Variants in ENO1 observed in about 807,000 individuals in gnomAD.
ENO1 encodes enolase 1.
In ENO1, 33 loss-of-function variants were observed where a neutral mutation model predicts 46.3. The ratio of observed to expected loss-of-function variants is 0.71; its 90% CI spans 0.54 to 0.95. The LOEUF (loss-of-function observed/expected upper bound fraction) is 0.95. Ranked by LOEUF, ENO1 falls within the 40% of genes least tolerant of loss-of-function variation. ENO1 has a pLI of 0.00. For synonymous variants in ENO1, 220 were observed against 216.0 expected (o/e 1.02, Z -0.16); for missense variants, 488 against 553.3 (o/e 0.88, Z 1.18).
At chr1:8,874,010 C>T (rs1043482913) in intron 2 of ENO1, 2 of 152,216 alleles carry the variant, frequency 1.3e-5, no homozygotes, top group Non-Finnish European at 2.9e-5. Context: ...ATGAGAGCCT[C>T]CAGACTATTC....
In ENO1 at chr1:8,866,532, C is replaced by G. The variant is rs780595871; in HGVS notation, c.445-31G>C. The G allele has an allele frequency of 3.1e-6, 5 of 1,612,458 alleles. No individual in the cohort carries two copies. The South Asian group carries it at 5.5e-5, about 18-fold the overall frequency. On this transcript the variant is annotated intron_variant, in intron 6 of 11. Coordinates refer to ENST00000234590, the MANE Select transcript of ENO1 (RefSeq NM_001428.5). The stretch of plus-strand genomic sequence containing the variant: ...GAGAGCAGAGCAGAGAAGCATGGCA[C>G]TGGGTCCAGAGAGCCCCACAGGGCA...
Position 8,863,296 on chromosome 1 carries a change from C to A in ENO1, c.1115G>T (p.Arg372Leu). ...GAAGGTATCTTCAGTCTCCCCCGAA[C>A]GATGAGACACCATGACGCCCCAACC... is the stretch of plus-strand genomic sequence containing the variant. ...ANGWGVMVSH[R>L]SGETEDTFIA... Residue 372 changes from arginine to leucine, a missense_variant, in exon 10 of 12, where the codon CGT becomes CTT. Arg to Leu is a moderately radical substitution (Grantham distance 102). Transcript: ENST00000234590. The A allele has an allele frequency of 1.2e-6, 2 of 1,614,190 alleles. No individual in the cohort carries two copies. The highest frequency in any genetic ancestry group is 1.7e-6 in the Non-Finnish European group (2 of 1,180,042).
At chr1:8,870,857 T>C in intron 3 of ENO1, 1 of 1,317,338 alleles carries the variant, frequency 7.6e-7, no homozygotes, top group Non-Finnish European at 9.7e-7. Context: ...AGGAACTCAT[T>C]AATATACTTA....
chr1:8,870,441 G>C lies in ENO1; in HGVS notation c.240+11C>G. On this transcript the variant is annotated intron_variant, in intron 4 of 11. Coordinates refer to ENST00000234590, the MANE Select transcript of ENO1 (RefSeq NM_001428.5). ...CATTAGACACATTAGTTATCAGGAG[G>C]CAGGTCCTACCTTGCTAACCAGGGC... is the stretch of plus-strand genomic sequence containing the variant. 2 of 1,614,152 alleles carry C rather than the reference G, an allele frequency of 1.2e-6. No individual in the cohort carries two copies. The highest frequency in any genetic ancestry group is 2.2e-5 in the South Asian group (2 of 91,078).
intron 4 of ENO1, chr1:8,870,177 AT>A: frequency 2.2e-6 from 1 of 456,238 alleles, no homozygotes; most frequent in South Asian, 3.8e-5. Flanking sequence ...CTGGATCTTA[AT>A]TTCTTCAAAG....
intron 1 of ENO1, among the ~76,000 whole-genome samples, chr1:8,877,234 G>A (rs1642754137): frequency 6.6e-6 from 1 of 152,050 alleles, no homozygotes; most frequent in Non-Finnish European, 1.5e-5. Flanking sequence ...TTACAGGCGT[G>A]AGCCACCGCG....
At chr1:8,870,705 C>T (rs987617763) in intron 3 of ENO1, 195 bp from the exon 4 acceptor site, 2 of 1,448,526 alleles carry the variant, frequency 1.4e-6, no homozygotes, top group Non-Finnish European at 1.8e-6. Flanking sequence ...TACCTAGGAC[C>T]CCAGAGGGTT....
At chr1:8,866,256 G>A (rs1220620144) in intron 7 of ENO1, 23 bp downstream of exon 7, 3 of 1,610,758 alleles carry the variant, frequency 1.9e-6, no homozygotes, top group Non-Finnish European at 2.5e-6. Context: ...CTGGGTGGGG[G>A]GGCGGTTCCC....
intron 8 of ENO1, among the ~76,000 whole-genome samples, chr1:8,865,036 G>A (rs1642480849): frequency 6.6e-6 from 1 of 152,194 alleles, no homozygotes; most frequent in African/African-American, 2.4e-5. Flanking sequence ...CTCTGCTCCT[G>A]ACTGTGAACA....
In ENO1 at chr1:8,864,053, C is replaced by T. The variant is rs1569896294; in HGVS notation, c.905G>A (p.Gly302Glu). 1 of 1,614,142 alleles carries T rather than the reference C, an allele frequency of 6.2e-7. No homozygotes were observed. Among genetic ancestry groups the T allele is most frequent in the Non-Finnish European group, 8.5e-7 (1 of 1,180,042 alleles). ...ACTGGCTGTGAACTTCTGCCAAGCT[C>T]CCCAGTCATCCTGGTCAAAGGGATC... is the stretch of plus-strand genomic sequence containing the variant. ...IEDPFDQDDWGAWQKFTASAG... is the reference protein window; with the variant it reads ...IEDPFDQDDWEAWQKFTASAG... Residue 302 changes from glycine (G) to glutamate (E), a missense_variant, in exon 9 of 12, where the codon GGA becomes GAA. Physicochemically the swap from Gly to Glu is moderately conservative, Grantham distance 98 (BLOSUM62 -2). Transcript: ENST00000234590.
chr1:8,877,644 T>G (rs61784221), intron 1 of ENO1: 72,853 of 150,666 alleles, frequency 0.48, 18,072 homozygotes, highest in Non-Finnish European at 0.55. Flanking sequence ...TCACCTGAGG[T>G]CGGGAGCTCA....
intron 1 of ENO1, chr1:8,876,252 GT>G (rs1642729857): frequency 6.6e-6 from 1 of 152,102 alleles, no homozygotes; most frequent in African/African-American, 2.4e-5. Context: ...CAAGTGGCAG[GT>G]TTTTAACTTT....
chr1:8,870,937 G>C, intron 3 of ENO1: 2 of 1,253,326 alleles, frequency 1.6e-6, no homozygotes, highest in South Asian at 7.3e-5. Context: ...AAGAGAACCG[G>C]TGATTAAGGA....
At position 8,870,682 on chromosome 1, in the gene ENO1, G is replaced by C; in HGVS notation, c.182-172C>G. ...CAGAATCGGAGGACTTTCCGGCCCA[G>C]TCTGAGTGCTCCTACCTAGGACCCC... On this transcript the variant is annotated intron_variant, in intron 3 of 11. Coordinates refer to ENST00000234590, the MANE Select transcript of ENO1 (RefSeq NM_001428.5). The C allele has an allele frequency of 2.7e-6, 4 of 1,472,458 alleles. No individual in the cohort carries two copies. In the Admixed American group the frequency reaches 8.8e-5, roughly 33 times the overall value. 91.2% of individuals were successfully genotyped at this position (1,472,458 alleles called of 1,614,324 possible). A position where few individuals can be genotyped will look rare whatever the true frequency, so the allele number is the denominator to read the frequency against.
chr1:8,875,869 G>C (rs1350963838), intron 1 of ENO1: 1 of 151,986 alleles, frequency 6.6e-6, no homozygotes, highest in Non-Finnish European at 1.5e-5. Context: ...CCCTGCCTTG[G>C]CCTCCCAAAG....
rs754352845 is a variant in ENO1 at position 8,867,245 on chromosome 1, A to C, written c.316T>G (p.Phe106Val). The C allele has an allele frequency of 1.7e-5, 27 of 1,613,918 alleles. No homozygotes were observed. The East Asian group carries it at 2.5e-4, about 15-fold the overall frequency. ...EMDGTENKSK[F>V]GANAILGVSL... ...ACCCCCAGAATGGCGTTCGCACCAA[A>C]CTTAGCTAGAACAGAAGAGAACCGA... The change falls in exon 6 of 12, where the codon TTT (phenylalanine) becomes GTT (valine). Residue 106 changes from phenylalanine (F) to valine (V), a missense_variant. By Grantham distance (50) the Phe-to-Val change is conservative (BLOSUM62 -1). Coordinates refer to ENST00000234590, the MANE Select transcript of ENO1 (RefSeq NM_001428.5).
chr1:8,864,000 G>A lies in ENO1; in HGVS notation c.958C>T (p.Leu320Phe). The change falls in exon 9 of 12, where the codon CTC (leucine) becomes TTC (phenylalanine). Residue 320 changes from leucine (L) to phenylalanine (F), a missense_variant. Leu to Phe is a conservative substitution (Grantham distance 22). Transcript: ENST00000234590. ...SAGIQVVGDDLTVTNPKRIAK... is the reference protein window; with the variant it reads ...SAGIQVVGDDFTVTNPKRIAK... The stretch of plus-strand genomic sequence containing the variant: ...ATCCTCTTTGGGTTGGTCACTGTGA[G>A]ATCATCCCCCACTACCTGGATTCCT... 1 of 1,614,176 alleles carries A rather than the reference G, an allele frequency of 6.2e-7. No individual in the cohort carries two copies. The highest frequency in any genetic ancestry group is 8.5e-7 in the Non-Finnish European group (1 of 1,180,040).
Position 8,874,893 on chromosome 1 carries a change from T to C in ENO1, c.16A>G (p.Ile6Val). Residue 6 changes from isoleucine to valine, a missense_variant, in exon 2 of 12, where the codon ATC becomes GTC. By Grantham distance (29) the Ile-to-Val change is conservative. Coordinates refer to ENST00000234590, the MANE Select transcript of ENO1 (RefSeq NM_001428.5). MSILK[I>V]HAREIFDSRG... ...GAGTCAAAGATCTCCCTGGCATGGA[T>C]CTTGAGAATAGACATGGTGAACTTC... 1 of 1,613,832 alleles carries C rather than the reference T, an allele frequency of 6.2e-7. No homozygotes were observed. The highest frequency in any genetic ancestry group is 8.5e-7 in the Non-Finnish European group (1 of 1,179,846).
In ENO1 at chr1:8,865,156, C is replaced by A. The variant is rs542024681; in HGVS notation, c.865+129G>T. ...GGCAAACCCAGTGGTGAATCCCCTA[C>A]GGGAGCTGGAAGTTCAGACACTCCC... On this transcript the variant is annotated intron_variant, in intron 8 of 11. Transcript: ENST00000234590. 39 of 1,129,060 alleles carry A rather than the reference C, an allele frequency of 3.5e-5. No homozygotes were observed. In the South Asian group the frequency reaches 4.1e-4, roughly 12 times the overall value. The allele number at this position is 1,129,060 out of a possible 1,614,324, so 69.9% of individuals were successfully genotyped here.
Sources: gnomAD v4.1 joint callset for allele counts (sites outside exome capture counted in the v4.1 genomes callset) on GRCh38, gnomAD v4.1.1 for gene constraint, MANE v1.5 for transcripts, NCBI Gene and HGNC (gene_info 2026-07-23, HGNC 2026-07-21) for gene names.